Variants in ATRNL1 observed in about 807,000 individuals in gnomAD.
The protein encoded by ATRNL1 is attractin-like protein 1.
A neutral mutation model predicts 182.7 loss-of-function variants in ATRNL1; 95 were observed. That is an observed-to-expected ratio of 0.52 (90% CI 0.44 to 0.62). ATRNL1 has a LOEUF of 0.62. ATRNL1 is among the 20% of genes least tolerant of loss of function. ATRNL1 has a pLI of 0.00. For missense variants in ATRNL1, 1,471 were observed against 1,679.5 expected (o/e 0.88, Z 2.17); for synonymous variants, 576 against 568.3 (o/e 1.01, Z -0.19).
At chr10:115,583,927 C>G (rs1232809132) in intron 26 of ATRNL1, among the ~76,000 whole-genome samples, 1 of 152,086 alleles carries the variant, frequency 6.6e-6, no homozygotes, top group Admixed American at 6.5e-5. Flanking sequence ...TACGTCCCAT[C>G]AATACCTAAT....
chr10:115,191,627 C>T (rs1001803980), intron 8 of ATRNL1, among the ~76,000 whole-genome samples: 3 of 151,990 alleles, frequency 2.0e-5, no homozygotes, highest in Admixed American at 1.3e-4. Context: ...GCAGCTTCCC[C>T]CATGCTGTTC....
chr10:115,223,843 A>T (rs913946676), intron 9 of ATRNL1, among the ~76,000 whole-genome samples: 45 of 146,796 alleles, frequency 3.1e-4, no homozygotes, highest in Non-Finnish European at 6.0e-4. Flanking sequence ...ACCCTAATAT[A>T]TATGTGTATA....
At chr10:115,554,807 C>T (rs1419039707) in intron 26 of ATRNL1, among the ~76,000 whole-genome samples, 1 of 151,696 alleles carries the variant, frequency 6.6e-6, no homozygotes, top group South Asian at 2.1e-4. Flanking sequence ...AACAAAAAAA[C>T]TTTGGGCACT....
intron 5 of ATRNL1, among the ~76,000 whole-genome samples, chr10:115,152,759 A>G (rs375513642): frequency 1.8e-4 from 27 of 150,974 alleles, no homozygotes; most frequent in Admixed American, 4.6e-4. Flanking sequence ...ATGTTGAATA[A>G]GAGTGGTGAG....
At chr10:115,453,703 A>G (rs1251685879) in intron 21 of ATRNL1, among the ~76,000 whole-genome samples, 1 of 151,622 alleles carries the variant, frequency 6.6e-6, no homozygotes, top group Non-Finnish European at 1.5e-5. Context: ...GAGGACAAAA[A>G]ACCAAACACT....
chr10:115,457,778 T>C (rs1554969022), intron 21 of ATRNL1, among the ~76,000 whole-genome samples: 1 of 152,052 alleles, frequency 6.6e-6, no homozygotes, highest in Non-Finnish European at 1.5e-5. Context: ...TTTATGTTTT[T>C]TTCACAAGAT....
intron 21 of ATRNL1, among the ~76,000 whole-genome samples, chr10:115,435,070 G>A (rs370972823): frequency 2.3e-3 from 320 of 140,864 alleles, no homozygotes; most frequent in African/African-American, 7.9e-3. Flanking sequence ...TTGCTCTGTC[G>A]CCCAGGCTGG....
chr10:115,122,893 T>G (rs1844806100), intron 3 of ATRNL1, among the ~76,000 whole-genome samples: 1 of 152,174 alleles, frequency 6.6e-6, no homozygotes, highest in Non-Finnish European at 1.5e-5. Flanking sequence ...TGTAAGATAA[T>G]TTATTGTAAC....
intron 18 of ATRNL1, among the ~76,000 whole-genome samples, chr10:115,324,123 C>G (rs1854744463): frequency 6.6e-6 from 1 of 152,064 alleles, no homozygotes; most frequent in South Asian, 2.1e-4. Context: ...AACTCTCTCT[C>G]TTTTTTTAAT....
In ATRNL1 at chr10:115,530,240, T is replaced by C. The variant is rs538673622; in HGVS notation, c.3716+10916T>C. ...TTTTCATTTCTCTTAAGTATATAAT[T>C]AGGAGTAGAATTGTTGATCACATGG... On this transcript the variant is annotated intron_variant, in intron 25 of 28. Transcript: ENST00000355044. Among the ~76,000 whole-genome samples, 31 of 152,314 alleles carry C rather than the reference T, an allele frequency of 2.0e-4. 1 individual carries two copies. The highest frequency in any genetic ancestry group is 7.5e-4 in the African/African-American group (31 of 41,576).
chr10:115,773,239 A>G lies in ATRNL1; in HGVS notation c.3903+45884A>G, dbSNP rs1460822045. Among the ~76,000 whole-genome samples, 5 of 152,284 alleles carry G rather than the reference A, an allele frequency of 3.3e-5. No individual in the cohort carries two copies. The South Asian group carries it at 1.0e-3, about 32-fold the overall frequency. On this transcript the variant is annotated intron_variant, in intron 27 of 28. Transcript: ENST00000355044. ...AATCCATTCCCAAAAAATTTCTCCT[A>G]AATGTCTACCATTAGCAATTCATTC...
intron 20 of ATRNL1, among the ~76,000 whole-genome samples, chr10:115,423,219 A>G (rs1449874997): frequency 6.6e-6 from 1 of 152,144 alleles, no homozygotes; most frequent in East Asian, 1.9e-4. Context: ...AAGCACACTT[A>G]CTATGTACCC....
In ATRNL1 at chr10:115,689,204, C is replaced by G. The variant is rs78067860; in HGVS notation, c.3796-38044C>G. On this transcript the variant is annotated intron_variant, in intron 26 of 28. Transcript: ENST00000355044. Reference sequence around the variant, plus strand: ...ACCATGCTGCCTTGTTTACCATAACCTTATAATATGTTTTGAAGTCAAGTA... The same window carrying G: ...ACCATGCTGCCTTGTTTACCATAACGTTATAATATGTTTTGAAGTCAAGTA... Among the ~76,000 whole-genome samples the G allele has an allele frequency of 1.6e-4, 24 of 152,170 alleles. 1 individual carries two copies. In the East Asian group the frequency reaches 4.6e-3, roughly 29 times the overall value.
chr10:115,363,637 T>A (rs1856867652), intron 19 of ATRNL1, among the ~76,000 whole-genome samples: 1 of 151,622 alleles, frequency 6.6e-6, no homozygotes, highest in African/African-American at 2.4e-5. Flanking sequence ...TCTTCTAGGG[T>A]TTTTATGGTT....
intron 8 of ATRNL1, among the ~76,000 whole-genome samples, chr10:115,188,120 A>C (rs1232281475): frequency 2.6e-5 from 4 of 151,980 alleles, no homozygotes; most frequent in Non-Finnish European, 5.9e-5. Context: ...AGAGGGAGAA[A>C]GAATTAATGA....
intron 26 of ATRNL1, among the ~76,000 whole-genome samples, chr10:115,696,609 C>A (rs1292945009): frequency 6.6e-6 from 1 of 152,164 alleles, no homozygotes; most frequent in African/African-American, 2.4e-5. Flanking sequence ...AATGGTTGAA[C>A]TATTTTACAC....
chr10:115,268,281 A>T (rs782475411), intron 12 of ATRNL1, 45 bp from the exon 13 acceptor site: 11 of 1,111,632 alleles, frequency 9.9e-6, no homozygotes, highest in Middle Eastern at 2.0e-4. Flanking sequence ...GAAGAGTAAG[A>T]TTTTCTTTTC....
intron 28 of ATRNL1, among the ~76,000 whole-genome samples, chr10:115,863,251 A>G (rs995191296): frequency 1.3e-5 from 2 of 152,222 alleles, no homozygotes; most frequent in Non-Finnish European, 2.9e-5. Context: ...GTAAAAAATG[A>G]ACCTAAATGT....
intron 19 of ATRNL1, among the ~76,000 whole-genome samples, chr10:115,380,073 G>A (rs369133321): frequency 7.9e-5 from 12 of 151,980 alleles, no homozygotes; most frequent in African/African-American, 2.7e-4. Flanking sequence ...TTTGTGATCC[G>A]CCCGCCTCAG....
Sources: allele counts gnomAD v4.1 joint callset (sites outside exome capture counted in the v4.1 genomes callset), GRCh38; gene constraint gnomAD v4.1.1; transcripts MANE v1.5; gene names NCBI Gene and HGNC (gene_info 2026-07-23, HGNC 2026-07-21).